WDR37: variants seen among roughly 807,000 people sequenced by gnomAD.
WDR37 encodes the protein WD repeat-containing protein 37.
A neutral mutation model predicts 62.9 loss-of-function variants in WDR37; 19 were observed. The observed-to-expected ratio is 0.30, with a 90% CI of 0.21 to 0.44. The LOEUF (loss-of-function observed/expected upper bound fraction) is 0.44. Among genes scored for constraint, WDR37 ranks in the 20% least tolerant of loss-of-function variants. The pLI is 1.00. For missense variants in WDR37, 474 were observed against 657.6 expected (o/e 0.72, Z 3.05); for synonymous variants, 250 against 260.9 (o/e 0.96, Z 0.40).
intron 11 of WDR37, among the ~76,000 whole-genome samples, chr10:1,117,921 C>G (rs1343897936): frequency 6.6e-6 from 1 of 151,138 alleles, no homozygotes; most frequent in African/African-American, 2.5e-5. Flanking sequence ...GCCGCGTGCA[C>G]TCAGCCACCC....
Position 1,078,007 on chromosome 10 carries a change from A to C in WDR37, c.235+4A>C, listed in dbSNP as rs1377732800. 6.3e-7 allele frequency: 1 copy of C among 1,586,746 alleles called. No individual in the cohort carries two copies. Among genetic ancestry groups the C allele is most frequent in the Admixed American group, 1.7e-5 (1 of 58,220 alleles). ...CTTTATATCGAAAACTTAGAATGTGAGTATCTCCTATTTTAATATACTTTT... is the reference window on the plus strand; with the variant it reads ...CTTTATATCGAAAACTTAGAATGTGCGTATCTCCTATTTTAATATACTTTT... On this transcript the variant is annotated splice_donor_region_variant and intron_variant, in intron 3 of 13. Transcript: ENST00000263150.
At chr10:1,110,832 G>A (rs998659951) in intron 11 of WDR37, among the ~76,000 whole-genome samples, 1 of 152,226 alleles carries the variant, frequency 6.6e-6, no homozygotes, top group African/African-American at 2.4e-5. Context: ...GCGTGTTAGC[G>A]CCCAGACCCA....
chr10:1,084,373 G>A, intron 5 of WDR37, 30 bp from the exon 6 acceptor site: 3 of 1,595,788 alleles, frequency 1.9e-6, no homozygotes, highest in Non-Finnish European at 2.6e-6. Flanking sequence ...TCAGTAAATT[G>A]TTTCACAAGA....
In WDR37 at chr10:1,102,957, C is replaced by T. The variant is rs557889168; in HGVS notation, c.727-645C>T. Among the ~76,000 whole-genome samples, 13 of 152,228 alleles carry T rather than the reference C, an allele frequency of 8.5e-5. No homozygotes were observed. The South Asian group carries it at 2.3e-3, about 27-fold the overall frequency. ...TTTTGCATGTGTGCATGTCAGAAGCCGTCTGTCCTCTTCTGCATTGTGTAA... is the reference window on the plus strand; with the variant it reads ...TTTTGCATGTGTGCATGTCAGAAGCTGTCTGTCCTCTTCTGCATTGTGTAA... On this transcript the variant is annotated intron_variant, in intron 9 of 13. Coordinates refer to ENST00000263150, the MANE Select transcript of WDR37 (RefSeq NM_014023.4).
intron 9 of WDR37, among the ~76,000 whole-genome samples, chr10:1,098,078 C>G (rs1173955644): frequency 6.6e-6 from 1 of 152,104 alleles, no homozygotes; most frequent in Non-Finnish European, 1.5e-5. Context: ...TGGGGGAGGC[C>G]AGGGACAGGA....
intron 9 of WDR37, among the ~76,000 whole-genome samples, chr10:1,097,023 C>T (rs1219937725): frequency 1.3e-5 from 2 of 152,154 alleles, no homozygotes; most frequent in African/African-American, 4.8e-5. Context: ...AAGTGATCCT[C>T]ATTACAAAAT....
chr10:1,084,877 A>G (rs991523277), intron 6 of WDR37, among the ~76,000 whole-genome samples: 1 of 152,256 alleles, frequency 6.6e-6, no homozygotes, highest in Non-Finnish European at 1.5e-5. Flanking sequence ...TGCAACTCAC[A>G]GTGAACCAAG....
chr10:1,111,108 T>A (rs1016867123), intron 11 of WDR37, among the ~76,000 whole-genome samples: 1 of 152,272 alleles, frequency 6.6e-6, no homozygotes, highest in Non-Finnish European at 1.5e-5. Flanking sequence ...TTCTTCAACA[T>A]GTGTGACTAA....
In WDR37 at chr10:1,089,625, ATGCTCACCCACAATTCAGCCTTCCCG is replaced by A. The variant is rs1410263564; in HGVS notation, c.604+3278_604+3303del. 5.8e-4 allele frequency among the ~76,000 whole-genome samples: 52 copies of A among 90,394 alleles called. 1 individual carries two copies. The highest frequency in any genetic ancestry group is 6.0e-3 in the Middle Eastern group (1 of 166). The allele number at this position is 90,394 out of a possible 152,430, so 59.3% of individuals were successfully genotyped here. ...TGCTCACCCACAATTCAACCTTCCC[ATGCTCACCCACAATTCAGCCTTCCCG>A]TGCTCACCCGCAGTTCGGCCTTCCC... is the stretch of plus-strand genomic sequence containing the variant. On this transcript the variant is annotated intron_variant, in intron 7 of 13. Coordinates refer to ENST00000263150, the MANE Select transcript of WDR37 (RefSeq NM_014023.4).
intron 1 of WDR37, among the ~76,000 whole-genome samples, chr10:1,059,125 C>T (rs1205192917): frequency 6.6e-6 from 1 of 152,144 alleles, no homozygotes; most frequent in Non-Finnish European, 1.5e-5. Context: ...CCTGTAATCC[C>T]AGCACTTTGG....
intron 11 of WDR37, among the ~76,000 whole-genome samples, chr10:1,120,241 A>G (rs551692673): frequency 2.0e-5 from 3 of 152,334 alleles, no homozygotes; most frequent in Non-Finnish European, 4.4e-5. Flanking sequence ...CTGGCTGTGA[A>G]GAGAAGACCT....
At chr10:1,117,144 T>C (rs899921360) in intron 11 of WDR37, among the ~76,000 whole-genome samples, 6 of 152,128 alleles carry the variant, frequency 3.9e-5, no homozygotes, top group African/African-American at 1.4e-4. Context: ...AATCTCGACT[T>C]CCTGGGCTCA....
chr10:1,103,900 T>C lies in WDR37; in HGVS notation c.961+64T>C. On this transcript the variant is annotated intron_variant, in intron 10 of 13. Transcript: ENST00000263150. The surrounding 1 kb of genome is among the most constrained non-coding windows in gnomAD (Gnocchi z 6.3). Reference sequence around the variant, plus strand: ...CATGTTAGTTTATGTCCATGGGTTATGTCTGACCTTGCCACTTACTTCTTG... The same window carrying C: ...CATGTTAGTTTATGTCCATGGGTTACGTCTGACCTTGCCACTTACTTCTTG... 5 of 1,505,904 alleles carry C rather than the reference T, an allele frequency of 3.3e-6. 1 individual carries two copies. Among genetic ancestry groups the C allele is most frequent in the Middle Eastern group, 1.7e-4 (1 of 5,742 alleles). 93.3% of individuals were successfully genotyped at this position (1,505,904 alleles called of 1,614,324 possible).
chr10:1,090,982 G>A (rs937300637), intron 7 of WDR37, among the ~76,000 whole-genome samples: 1 of 152,204 alleles, frequency 6.6e-6, no homozygotes, highest in Non-Finnish European at 1.5e-5. Flanking sequence ...AGGTGACCGG[G>A]GGTGATTGAG....
Position 1,124,307 on chromosome 10 carries a change from T to C in WDR37, c.1193T>C (p.Met398Thr). Residue 398 changes from methionine to threonine, a missense_variant, in exon 12 of 14, where the codon ATG (methionine) becomes ACG (threonine). Met to Thr is a moderately conservative substitution (Grantham distance 81, BLOSUM62 -1). Transcript: ENST00000263150. ...GTGAAAGTCTGGGACTTGAAAAATA[T>C]GAGATCCCCCATTGCAACTATTCGC... ...RTVKVWDLKNMRSPIATIRTD... is the reference protein window; with the variant it reads ...RTVKVWDLKNTRSPIATIRTD... 6.2e-7 allele frequency: 1 copy of C among 1,614,108 alleles called. No individual in the cohort carries two copies. Among genetic ancestry groups the C allele is most frequent in the South Asian group, 1.1e-5 (1 of 91,076 alleles).
chr10:1,117,724 G>C (rs1387190391), intron 11 of WDR37, among the ~76,000 whole-genome samples: 3 of 152,228 alleles, frequency 2.0e-5, no homozygotes, highest in Non-Finnish European at 4.4e-5. Flanking sequence ...CATGGGGAGG[G>C]GTGGCTGCCT....
At chr10:1,112,376 C>T (rs927965407) in intron 11 of WDR37, among the ~76,000 whole-genome samples, 4 of 152,178 alleles carry the variant, frequency 2.6e-5, no homozygotes, top group Non-Finnish European at 5.9e-5. Flanking sequence ...ACTAACTGGC[C>T]GTTCCTTCGT....
At chr10:1,066,427 C>CT (rs773998315) in intron 1 of WDR37, among the ~76,000 whole-genome samples, 40 of 152,156 alleles carry the variant, frequency 2.6e-4, no homozygotes, top group Non-Finnish European at 2.5e-4. Context: ...GATACTAGGA[C>CT]TAATGCAGAA....
chr10:1,092,158 A>C (rs1165798541), intron 7 of WDR37, among the ~76,000 whole-genome samples: 24 of 132,886 alleles, frequency 1.8e-4, no homozygotes, highest in Non-Finnish European at 9.4e-5. Flanking sequence ...CCAACCTGGG[A>C]GACACAGCGA....
Sources: gnomAD v4.1 joint callset for allele counts (sites outside exome capture counted in the v4.1 genomes callset) on GRCh38, gnomAD v4.1.1 for gene constraint, Gnocchi (gnomAD v3.1) non-coding constraint, MANE v1.5 for transcripts, NCBI Gene and HGNC (gene_info 2026-07-23, HGNC 2026-07-21) for gene names.